MAPK10: variants seen among roughly 807,000 people sequenced by gnomAD.
The protein encoded by MAPK10 is mitogen-activated protein kinase 10, also known as JNK3 alpha protein kinase.
MAPK10 carries 25 observed loss-of-function variants against 59.3 expected under a neutral mutation model. The ratio of observed to expected loss-of-function variants is 0.42; its 90% CI spans 0.31 to 0.59. MAPK10 has a LOEUF of 0.59. MAPK10 is among the 20% of genes least tolerant of loss of function. The pLI, the probability that MAPK10 is intolerant of heterozygous loss-of-function variation, is 0.15. For synonymous variants in MAPK10, 190 were observed against 200.5 expected (o/e 0.95, Z 0.44); for missense variants, 351 against 568.9 (o/e 0.62, Z 3.90).
chr4:86,584,618 A>G (rs1224988928), intron 1 of MAPK10, among the ~76,000 whole-genome samples: 3 of 151,972 alleles, frequency 2.0e-5, no homozygotes, highest in African/African-American at 4.8e-5. Flanking sequence ...TAATTTTTAA[A>G]ATTTTTTGTA....
chr4:86,201,306 C>G (rs1017984928), intron 2 of MAPK10, among the ~76,000 whole-genome samples: 1 of 151,830 alleles, frequency 6.6e-6, no homozygotes, highest in African/African-American at 2.4e-5. Context: ...CTGCCAGAAC[C>G]ATTTTCAATC....
intron 4 of MAPK10, among the ~76,000 whole-genome samples, chr4:86,110,718 C>CT (rs1309310866): frequency 1.3e-5 from 2 of 152,094 alleles, no homozygotes; most frequent in African/African-American, 4.8e-5. Flanking sequence ...CTATTGGGCT[C>CT]TTTTTTGGTT....
chr4:86,284,959 A>G (rs1200797011), intron 2 of MAPK10, among the ~76,000 whole-genome samples: 1 of 152,216 alleles, frequency 6.6e-6, no homozygotes, highest in African/African-American at 2.4e-5. Context: ...ATTTTTGTCC[A>G]TGAGGACTAT....
At chr4:86,478,056 G>A (rs1209520182) in intron 1 of MAPK10, among the ~76,000 whole-genome samples, 6 of 152,210 alleles carry the variant, frequency 3.9e-5, no homozygotes, top group South Asian at 2.1e-4. Flanking sequence ...TTTCCCCACC[G>A]ATTGTGTCCA....
intron 1 of MAPK10, among the ~76,000 whole-genome samples, chr4:86,507,668 A>G (rs1196191041): frequency 8.5e-6 from 1 of 117,502 alleles, no homozygotes; most frequent in Middle Eastern, 4.1e-3. Context: ...ATATATATAT[A>G]TATAAAATCA....
intron 3 of MAPK10, among the ~76,000 whole-genome samples, chr4:86,178,950 C>T (rs987028692): frequency 2.6e-5 from 4 of 152,060 alleles, no homozygotes; most frequent in South Asian, 2.1e-4. Context: ...TGCTTATAAT[C>T]CCAGCACTTT....
intron 1 of MAPK10, among the ~76,000 whole-genome samples, chr4:86,465,472 G>C (rs1456740847): frequency 1.3e-5 from 2 of 152,144 alleles, no homozygotes; most frequent in Non-Finnish European, 2.9e-5. Flanking sequence ...AGTGACTATG[G>C]GACATCCCAA....
At chr4:86,536,524 T>A (rs1433384455) in intron 1 of MAPK10, among the ~76,000 whole-genome samples, 2 of 152,234 alleles carry the variant, frequency 1.3e-5, no homozygotes, top group Admixed American at 6.5e-5. Flanking sequence ...TATATTACTG[T>A]CTTCTTAAAA....
intron 1 of MAPK10, among the ~76,000 whole-genome samples, chr4:86,450,374 T>C (rs936951978): frequency 2.0e-5 from 3 of 152,210 alleles, no homozygotes; most frequent in African/African-American, 7.2e-5. Flanking sequence ...AACTTTTTCA[T>C]ACCACATACT....
upstream of MAPK10, among the ~76,000 whole-genome samples, chr4:86,456,344 C>T (rs947326359): frequency 2.0e-5 from 3 of 151,528 alleles, no homozygotes; most frequent in South Asian, 4.2e-4. Context: ...ACAACAACAA[C>T]AAAAAAGATA....
rs537230932 is a variant in MAPK10 at position 86,249,270 on chromosome 4, T to A, written c.-6-54863A>T. Among the ~76,000 whole-genome samples the A allele has an allele frequency of 1.4e-4, 22 of 151,876 alleles. No individual in the cohort carries two copies. The South Asian group carries it at 1.9e-3, about 13-fold the overall frequency. On this transcript the variant is annotated intron_variant, in intron 2 of 13. Transcript: ENST00000641462. ...TATTGCTTCAAAAGACATCTGGAGG[T>A]GGGTGGCTGCTAGCATTGGTTTAGT...
intron 9 of MAPK10, 59 bp from the exon 10 acceptor site, chr4:86,068,014 G>T: frequency 8.6e-7 from 1 of 1,165,006 alleles, no homozygotes; most frequent in Non-Finnish European, 1.2e-6. Flanking sequence ...TTCAACAATT[G>T]GGAGACTAAC....
chr4:86,208,123 G>A (rs1047387877), intron 2 of MAPK10, among the ~76,000 whole-genome samples: 2 of 152,060 alleles, frequency 1.3e-5, no homozygotes, highest in African/African-American at 4.8e-5. Context: ...AAAAATTCCA[G>A]GACCAGATGT....
rs370709515 is a variant in MAPK10 at position 86,029,299 on chromosome 4, T to G, written c.1175-25A>C. ...TCTGTAAGAAACAGCTGTGTTATTA[T>G]AGAAAACAAATTTATCCTTCATCCA... On this transcript the variant is annotated intron_variant, in intron 12 of 13. Transcript: ENST00000641462. The G allele has an allele frequency of 2.7e-5, 39 of 1,457,584 alleles. 1 individual carries two copies. The South Asian group carries it at 3.2e-4, about 12-fold the overall frequency. 90.3% of individuals were successfully genotyped at this position (1,457,584 alleles called of 1,614,324 possible).
At chr4:86,462,734 G>A (rs1373353583) in intron 1 of MAPK10, among the ~76,000 whole-genome samples, 1 of 152,146 alleles carries the variant, frequency 6.6e-6, no homozygotes, top group Non-Finnish European at 1.5e-5. Context: ...ATGGGGAAGA[G>A]ATTTATTACA....
At chr4:86,267,091 T>A (rs892835769) in intron 2 of MAPK10, among the ~76,000 whole-genome samples, 8 of 152,152 alleles carry the variant, frequency 5.3e-5, no homozygotes, top group Non-Finnish European at 1.2e-4. Context: ...TTAACAGGTG[T>A]GTTATTCAAA....
At chr4:86,207,473 G>A (rs144595931) in intron 2 of MAPK10, among the ~76,000 whole-genome samples, 2,420 of 152,262 alleles carry the variant, frequency 0.016, 76 homozygotes, top group African/African-American at 0.055. Context: ...TTTGAAGTCA[G>A]GTAGCGTGAT....
intron 1 of MAPK10, among the ~76,000 whole-genome samples, chr4:86,591,007 A>G (rs1220703918): frequency 6.6e-6 from 1 of 152,192 alleles, no homozygotes; most frequent in Non-Finnish European, 1.5e-5. Flanking sequence ...GGCTAATCAT[A>G]GGCACAATCA....
rs1742964614 is a variant in MAPK10 at position 86,015,447 on chromosome 4, G to A, written c.*1781C>T. 6.6e-6 allele frequency: 1 copy of A among 152,174 alleles called. No individual in the cohort carries two copies. Among genetic ancestry groups the A allele is most frequent in the Admixed American group, 6.5e-5 (1 of 15,270 alleles). The allele number at this position is 152,174 out of a possible 1,614,324, so 9.4% of individuals were successfully genotyped here. A position where few individuals can be genotyped will look rare whatever the true frequency, so the allele number is the denominator to read the frequency against. On this transcript the variant is annotated 3_prime_UTR_variant, in exon 14 of 14. Coordinates refer to ENST00000641462, the MANE Select transcript of MAPK10 (RefSeq NM_138982.4). ...CCACTTCCTGTCTTTCACTTCTTCAGGTGAAATATCACCACTCTAGTGAGC... is the reference window on the plus strand; with the variant it reads ...CCACTTCCTGTCTTTCACTTCTTCAAGTGAAATATCACCACTCTAGTGAGC...
Sources: allele counts gnomAD v4.1 joint callset (sites outside exome capture counted in the v4.1 genomes callset), GRCh38; gene constraint gnomAD v4.1.1; transcripts MANE v1.5; gene names NCBI Gene and HGNC (gene_info 2026-07-23, HGNC 2026-07-21).